SLC5A4: variants seen among roughly 807,000 people sequenced by gnomAD.
The protein encoded by SLC5A4 is probable glucose sensor protein SLC5A4.
Under a neutral mutation model 70.3 loss-of-function variants are expected in SLC5A4, and 55 were observed. The observed-to-expected ratio is 0.78, with a 90% CI of 0.63 to 0.98. SLC5A4 has a LOEUF of 0.98. Ranked by LOEUF, SLC5A4 falls within the 50% of genes least tolerant of loss-of-function variation. SLC5A4 has a pLI of 0.00. For missense variants in SLC5A4, 735 were observed against 839.2 expected, an observed-to-expected ratio of 0.88 and a Z score of 1.53; for synonymous variants, 268 against 305.7, an observed-to-expected ratio of 0.88 and a Z score of 1.29.
rs1569374689 is a variant in SLC5A4, at chr22:32,239,539, TATATATATATATATA to T, written c.478-464_478-450del. On this transcript the variant is annotated intron_variant, in intron 5 of 14. Transcript: ENST00000266086. Reference sequence around the variant, plus strand: ...CATATTATATATATATATATATATATATATATATATATATATATATATATATATATTTATATATAT... The same window carrying T: ...CATATTATATATATATATATATATATTATATATATATATATTTATATATAT... Among the ~76,000 whole-genome samples, 6 of 10,474 alleles carry T rather than the reference TATATATATATATATA, an allele frequency of 5.7e-4. 1 individual carries two copies. Among genetic ancestry groups the T allele is most frequent in the African/African-American group, 3.1e-3 (3 of 954 alleles). The allele number at this position is 10,474 out of a possible 152,430, so 6.9% of individuals were successfully genotyped here.
chr22:32,325,548 C>T, the SLC5A4 span, among the ~76,000 whole-genome samples: 1 of 152,258 alleles, frequency 6.6e-6, no homozygotes, highest in Non-Finnish European at 1.5e-5. Flanking sequence ...GGAGAGGCAG[C>T]AGCCACAAGG....
chr22:32,285,683 T>C, the SLC5A4 span, among the ~76,000 whole-genome samples: 1 of 151,282 alleles, frequency 6.6e-6, no homozygotes, highest in Non-Finnish European at 1.5e-5. Context: ...TATTTAAGCC[T>C]TTAATATAAA....
In SLC5A4 at chr22:32,218,618, T is replaced by G. The variant is rs1251347901; in HGVS notation, c.1876A>C (p.Lys626Gln). The G allele has an allele frequency of 5.0e-6, 8 of 1,613,690 alleles. No individual in the cohort carries two copies. Among genetic ancestry groups the G allele is most frequent in the African/African-American group, 1.3e-5 (1 of 74,966 alleles). Residue 626 changes from lysine to glutamine, a missense_variant, in exon 15 of 15, where the codon AAG becomes CAG. Lys to Gln is a moderately conservative substitution (Grantham distance 53). Transcript: ENST00000266086. ...TKEEEEALSK[K>Q]LTDTSERPSW... is the part of the protein sequence containing the mutation. ...GGCCTCTCAGACGTGTCTGTGAGCT[T>G]CTTGCTCAAGGCTTCCTCCTCCTCC...
intron 12 of SLC5A4, among the ~76,000 whole-genome samples, chr22:32,224,917 G>T (rs1365719841): frequency 6.6e-6 from 1 of 152,126 alleles, no homozygotes; most frequent in South Asian, 2.1e-4. Flanking sequence ...AGTTGATGGG[G>T]GTGGAAACAT....
the SLC5A4 span, among the ~76,000 whole-genome samples, chr22:32,351,888 T>C: frequency 6.7e-6 from 1 of 150,232 alleles, no homozygotes; most frequent in African/African-American, 2.5e-5. Context: ...ACACAAGAAA[T>C]AGAAGCAGCA....
chr22:32,251,004 C>G (rs1331575381), intron 3 of SLC5A4, among the ~76,000 whole-genome samples: 1 of 151,854 alleles, frequency 6.6e-6, no homozygotes, highest in Admixed American at 6.6e-5. Context: ...ATACCTGATG[C>G]ATGCATGGCT....
the SLC5A4 span, among the ~76,000 whole-genome samples, chr22:32,275,744 T>G: frequency 2.6e-5 from 4 of 152,206 alleles, no homozygotes; most frequent in Admixed American, 6.5e-5. Flanking sequence ...GTAATGGGAT[T>G]GCTGGGTCAA....
the SLC5A4 span, among the ~76,000 whole-genome samples, chr22:32,312,100 A>G: frequency 6.6e-6 from 1 of 152,142 alleles, no homozygotes; most frequent in Non-Finnish European, 1.5e-5. Context: ...CCCTGTGGTC[A>G]GCCTGAGATG....
At chr22:32,305,839 C>A in the SLC5A4 span, among the ~76,000 whole-genome samples, 2 of 151,628 alleles carry the variant, frequency 1.3e-5, no homozygotes, top group Non-Finnish European at 2.9e-5. Context: ...CCTGTCCCCC[C>A]ACCCCCCACG....
the SLC5A4 span, among the ~76,000 whole-genome samples, chr22:32,339,915 T>TA: frequency 2.0e-4 from 31 of 152,334 alleles, no homozygotes; most frequent in African/African-American, 7.0e-4. Context: ...CCCGAGGTTC[T>TA]GCCCTGGGGA....
the SLC5A4 span, among the ~76,000 whole-genome samples, chr22:32,308,546 G>A: frequency 6.6e-6 from 1 of 152,184 alleles, no homozygotes; most frequent in Non-Finnish European, 1.5e-5. Flanking sequence ...ACGGTTAACT[G>A]GAAACCATCT....
chr22:32,239,143 C>T lies in SLC5A4; in HGVS notation c.478-53G>A, dbSNP rs892226699. ...AGAAACATGCATTTGAGGCCACTGG[C>T]TTCTCTGCCCCAATGTCCACTCTAC... On this transcript the variant is annotated intron_variant, in intron 5 of 14. Coordinates refer to ENST00000266086, the MANE Select transcript of SLC5A4 (RefSeq NM_014227.3). 6.3e-5 allele frequency: 82 copies of T among 1,299,238 alleles called. 1 individual carries two copies. The highest frequency in any genetic ancestry group is 8.3e-5 in the Non-Finnish European group (75 of 900,660). The allele number at this position is 1,299,238 out of a possible 1,614,324, so 80.5% of individuals were successfully genotyped here. A position where few individuals can be genotyped will look rare whatever the true frequency, so the allele number is the denominator to read the frequency against.
intron 5 of SLC5A4, among the ~76,000 whole-genome samples, chr22:32,246,877 T>C (rs1252803714): frequency 6.6e-6 from 1 of 152,202 alleles, no homozygotes; most frequent in Admixed American, 6.5e-5. Flanking sequence ...CTTTAAAATT[T>C]TTTAACACTT....
the SLC5A4 span, among the ~76,000 whole-genome samples, chr22:32,262,620 A>G: frequency 6.6e-6 from 1 of 151,546 alleles, no homozygotes; most frequent in African/African-American, 2.4e-5. Flanking sequence ...CTTCCTCTTG[A>G]CTCACAGTTG....
the SLC5A4 span, among the ~76,000 whole-genome samples, chr22:32,308,461 G>A: frequency 6.8e-6 from 1 of 148,028 alleles, no homozygotes; most frequent in Non-Finnish European, 1.5e-5. Context: ...CGGCCTGTGG[G>A]GGAGTCAGTG....
chr22:32,274,535 A>C, the SLC5A4 span, among the ~76,000 whole-genome samples: 2 of 152,220 alleles, frequency 1.3e-5, no homozygotes, highest in African/African-American at 4.8e-5. Context: ...CTCGAGTATG[A>C]AAAAGCTTAT....
chr22:32,241,803 G>GTGTATGTATA (rs1474263077), intron 5 of SLC5A4, among the ~76,000 whole-genome samples: 29 of 148,030 alleles, frequency 2.0e-4, no homozygotes, highest in African/African-American at 7.4e-4. Context: ...GTGTGTGTGT[G>GTGTATGTATA]TATATATATC....
At chr22:32,334,081 GACA>G in the SLC5A4 span, among the ~76,000 whole-genome samples, 8 of 143,000 alleles carry the variant, frequency 5.6e-5, no homozygotes, top group African/African-American at 2.1e-4. Flanking sequence ...CACTATGCCA[GACA>G]ACACACACAC....
intron 5 of SLC5A4, 88 bp from the exon 6 acceptor site, chr22:32,239,178 C>CT: frequency 1.1e-6 from 1 of 906,264 alleles, no homozygotes; most frequent in African/African-American, 1.6e-5. Context: ...CTCAACCCTT[C>CT]TTTTTCTGAT....
Sources: gnomAD v4.1 joint callset for allele counts (sites outside exome capture counted in the v4.1 genomes callset) on GRCh38, gnomAD v4.1.1 for gene constraint, MANE v1.5 for transcripts, NCBI Gene and HGNC (gene_info 2026-07-23, HGNC 2026-07-21) for gene names.